Variants in PCDHGA9 observed in about 807,000 individuals in gnomAD.
PCDHGA9 encodes the protein protocadherin gamma-A9.
In PCDHGA9, 37 loss-of-function variants were observed where a neutral mutation model predicts 62.5. That is an observed-to-expected ratio of 0.59 (90% confidence interval 0.46 to 0.78). PCDHGA9 has a LOEUF of 0.78. Ranked by LOEUF, PCDHGA9 falls within the 30% of genes least tolerant of loss-of-function variation. The probability of loss-of-function intolerance (pLI) is 0.00; values close to 1 mark genes in which losing one functional copy is unlikely to be tolerated. For synonymous variants in PCDHGA9, 459 were observed against 484.6 expected (o/e 0.95, Z 0.69); for missense variants, 1,138 against 1,166.2 (o/e 0.98, Z 0.35).
At position 141,402,816 on chromosome 5, in the gene PCDHGA9, C is replaced by A. The variant is rs1009078444; in HGVS notation, c.-137C>A. 4 of 1,261,760 alleles carry A rather than the reference C, an allele frequency of 3.2e-6. No individual in the cohort carries two copies. Among genetic ancestry groups the A allele is most frequent in the South Asian group, 3.4e-5 (2 of 58,176 alleles). The allele number at this position is 1,261,760 out of a possible 1,614,324, so 78.2% of individuals were successfully genotyped here. A position where few individuals can be genotyped will look rare whatever the true frequency, so the allele number is the denominator to read the frequency against. ...CACAAAACCCGGCAGATACCACAAA[C>A]CTGCTCCCAGGCTGCAGCAAAACTC... On this transcript the variant is annotated 5_prime_UTR_variant, in exon 1 of 4. Transcript: ENST00000573521.
Position 141,477,864 on chromosome 5 carries a change from G to A in PCDHGA9, c.2425-16943G>A, listed in dbSNP as rs775055164. On this transcript the variant is annotated intron_variant, in intron 1 of 3. Transcript: ENST00000573521. The surrounding 1 kb of genome is among the most constrained non-coding windows in gnomAD (Gnocchi z 4.9). Reference sequence around the variant, plus strand: ...AGCTCGGTGGAGATGCTGCCTCGAGGTACCTCAGCTGGCCACCTAGTGTCA... The same window carrying A: ...AGCTCGGTGGAGATGCTGCCTCGAGATACCTCAGCTGGCCACCTAGTGTCA... 1.2e-6 allele frequency: 2 copies of A among 1,613,122 alleles called. No homozygotes were observed. The highest frequency in any genetic ancestry group is 4.5e-5 in the East Asian group (2 of 44,822).
intron 1 of PCDHGA9, among the ~76,000 whole-genome samples, chr5:141,446,022 T>C (rs2098484874): frequency 1.3e-5 from 2 of 152,198 alleles, no homozygotes; most frequent in Admixed American, 1.3e-4. Flanking sequence ...TATGGCAATA[T>C]TCCTGGTAAG....
In PCDHGA9 at chr5:141,490,274, A is replaced by G. The variant is rs1285515971; in HGVS notation, c.2425-4533A>G. The G allele has an allele frequency of 6.2e-7, 1 of 1,614,228 alleles. No individual in the cohort carries two copies. Among genetic ancestry groups the G allele is most frequent in the Non-Finnish European group, 8.5e-7 (1 of 1,180,038 alleles). On this transcript the variant is annotated intron_variant, in intron 1 of 3. Transcript: ENST00000573521. This position sits in a 1 kb window ranked among gnomAD's most constrained non-coding sequence, Gnocchi z 5.4. ...CAAGTGGATGTGGGGGATGTCAATGACAATGCCCCAGAGGTGCTATTGGCC... is the reference window on the plus strand; with the variant it reads ...CAAGTGGATGTGGGGGATGTCAATGGCAATGCCCCAGAGGTGCTATTGGCC...
At position 141,469,305 on chromosome 5, in the gene PCDHGA9, G is replaced by A. The variant is rs990437808; in HGVS notation, c.2425-25502G>A. Among the ~76,000 whole-genome samples the A allele has an allele frequency of 3.9e-5, 6 of 152,192 alleles. No homozygotes were observed. The South Asian group carries it at 6.2e-4, about 16-fold the overall frequency. On this transcript the variant is annotated intron_variant, in intron 1 of 3. Transcript: ENST00000573521. ...AAATAAAACAAAATAGACTGGGCACGATGGCTCACGCCTGTAATCCCACCA... is the reference window on the plus strand; with the variant it reads ...AAATAAAACAAAATAGACTGGGCACAATGGCTCACGCCTGTAATCCCACCA...
chr5:141,436,287 T>A (rs565612572), intron 1 of PCDHGA9, among the ~76,000 whole-genome samples: 1 of 152,262 alleles, frequency 6.6e-6, no homozygotes, highest in Admixed American at 6.5e-5. Context: ...TAGGAACAAA[T>A]CATTGAGAGT....
intron 1 of PCDHGA9, chr5:141,427,884 G>T (rs1346875505): frequency 5.1e-6 from 8 of 1,564,634 alleles, no homozygotes; most frequent in African/African-American, 2.7e-5. Flanking sequence ...GCAGGCCCAC[G>T]ACCAGGGCTC....
Position 141,490,800 on chromosome 5 carries a change from TACCTTTG to T in PCDHGA9, c.2425-4004_2425-3998del, listed in dbSNP as rs763340907. Reference sequence around the variant, plus strand: ...AGGATGGACGGATCTTTGCCCAGCGTACCTTTGACTATGAATTGCTGCAGATGCTGCA... The same window carrying T: ...AGGATGGACGGATCTTTGCCCAGCGTACTATGAATTGCTGCAGATGCTGCA... On this transcript the variant is annotated intron_variant, in intron 1 of 3. Transcript: ENST00000573521. The surrounding 1 kb of genome is among the most constrained non-coding windows in gnomAD (Gnocchi z 5.4). 2.5e-6 allele frequency: 4 copies of T among 1,613,968 alleles called. No homozygotes were observed. The highest frequency in any genetic ancestry group is 1.7e-6 in the Non-Finnish European group (2 of 1,179,894).
At chr5:141,425,214 A>G (rs999893857) in intron 1 of PCDHGA9, among the ~76,000 whole-genome samples, 2 of 152,178 alleles carry the variant, frequency 1.3e-5, no homozygotes, top group Non-Finnish European at 2.9e-5. Context: ...AAGGCATTGT[A>G]CTTTGACTGG....
At chr5:141,478,936 G>A in intron 1 of PCDHGA9, 1 of 633,220 alleles carries the variant, frequency 1.6e-6, no homozygotes, top group African/African-American at 1.9e-5. Context: ...GCAGCTTCTA[G>A]GAATACAAAA....
chr5:141,449,688 T>G (rs951233495), intron 1 of PCDHGA9, among the ~76,000 whole-genome samples: 2 of 151,772 alleles, frequency 1.3e-5, no homozygotes, highest in African/African-American at 4.8e-5. Context: ...TATGTTTGTG[T>G]GTATGTACAC....
rs187713374 is a variant in PCDHGA9, at chr5:141,430,744, C to G, written c.2424+25368C>G. 2.5e-4 allele frequency: 380 copies of G among 1,498,404 alleles called. 1 individual carries two copies. In the African/African-American group the frequency reaches 4.6e-3, roughly 18 times the overall value. The allele number at this position is 1,498,404 out of a possible 1,614,324, so 92.8% of individuals were successfully genotyped here. A position where few individuals can be genotyped will look rare whatever the true frequency, so the allele number is the denominator to read the frequency against. ...GTTAAGGGCAGAATTGAAAATAATTCTGGAGGAAGATAAGAATGATTCCTG... is the reference window on the plus strand; with the variant it reads ...GTTAAGGGCAGAATTGAAAATAATTGTGGAGGAAGATAAGAATGATTCCTG... On this transcript the variant is annotated intron_variant, in intron 1 of 3. Coordinates refer to ENST00000573521, the MANE Select transcript of PCDHGA9 (RefSeq NM_018921.3).
chr5:141,433,042 G>C (rs752612411), intron 1 of PCDHGA9: 6 of 1,614,142 alleles, frequency 3.7e-6, no homozygotes, highest in Non-Finnish European at 5.1e-6. Flanking sequence ...CCCTCACCAC[G>C]GACTCGCGGA....
In PCDHGA9 at chr5:141,491,908, G is replaced by T; in HGVS notation, c.2425-2899G>T. ...GGGGCTCCGAGCACCGGGGGTGGTG[G>T]CGACTGTGGGCGAGGGGAGGTGGGA... On this transcript the variant is annotated intron_variant, in intron 1 of 3. Transcript: ENST00000573521. The surrounding 1 kb of genome is among the most constrained non-coding windows in gnomAD (Gnocchi z 6.9). 7.1e-7 allele frequency: 1 copy of T among 1,408,288 alleles called. No homozygotes were observed. Among genetic ancestry groups the T allele is most frequent in the Non-Finnish European group, 9.4e-7 (1 of 1,060,836 alleles). The allele number at this position is 1,408,288 out of a possible 1,614,324, so 87.2% of individuals were successfully genotyped here. A position where few individuals can be genotyped will look rare whatever the true frequency, so the allele number is the denominator to read the frequency against.
In PCDHGA9 at chr5:141,476,235, A is replaced by G; in HGVS notation, c.2425-18572A>G. ...GTCATTCACTATGAGATCCCGGAGG[A>G]AAGAGAGAAGGGTTTCGCTGTGGGC... is the stretch of plus-strand genomic sequence containing the variant. On this transcript the variant is annotated intron_variant, in intron 1 of 3. Coordinates refer to ENST00000573521, the MANE Select transcript of PCDHGA9 (RefSeq NM_018921.3). The surrounding 1 kb of genome is among the most constrained non-coding windows in gnomAD (Gnocchi z 7.6). 2 of 1,613,844 alleles carry G rather than the reference A, an allele frequency of 1.2e-6. No homozygotes were observed. Among genetic ancestry groups the G allele is most frequent in the Admixed American group, 1.7e-5 (1 of 59,990 alleles).
chr5:141,472,068 G>C (rs1050927364), intron 1 of PCDHGA9, among the ~76,000 whole-genome samples: 7 of 151,974 alleles, frequency 4.6e-5, no homozygotes, highest in Non-Finnish European at 8.8e-5. Context: ...CATGTCTGTG[G>C]TTATATCAAT....
chr5:141,478,164 C>T, intron 1 of PCDHGA9: 1 of 1,614,010 alleles, frequency 6.2e-7, no homozygotes, highest in Non-Finnish European at 8.5e-7. Context: ...GGCTCTGCCC[C>T]CCGGGAGCAG....
In PCDHGA9 at chr5:141,492,000, A is replaced by G; in HGVS notation, c.2425-2807A>G. On this transcript the variant is annotated intron_variant, in intron 1 of 3. Transcript: ENST00000573521. The surrounding 1 kb of genome is among the most constrained non-coding windows in gnomAD (Gnocchi z 6.9). Reference sequence around the variant, plus strand: ...TCGAGCTTCCGGTGAATTTCGGGCGATTTCCGCGGGTGTCGGGGGTCCCGG... The same window carrying G: ...TCGAGCTTCCGGTGAATTTCGGGCGGTTTCCGCGGGTGTCGGGGGTCCCGG... 1 of 659,856 alleles carries G rather than the reference A, an allele frequency of 1.5e-6. No homozygotes were observed. The highest frequency in any genetic ancestry group is 3.1e-5 in the South Asian group (1 of 32,438). 40.9% of individuals were successfully genotyped at this position (659,856 alleles called of 1,614,324 possible).
chr5:141,431,527 C>T lies in PCDHGA9; in HGVS notation c.2424+26151C>T. The T allele has an allele frequency of 1.2e-6, 2 of 1,614,086 alleles. No homozygotes were observed. The highest frequency in any genetic ancestry group is 2.2e-5 in the East Asian group (1 of 44,888). ...GCGCGAGCGTTCCGGAGAATCTGGC[C>T]TTGGGCACGCAGCTGCTTGTAGTCA... On this transcript the variant is annotated intron_variant, in intron 1 of 3. Coordinates refer to ENST00000573521, the MANE Select transcript of PCDHGA9 (RefSeq NM_018921.3). This position sits in a 1 kb window ranked among gnomAD's most constrained non-coding sequence, Gnocchi z 4.8.
At chr5:141,461,893 G>A (rs2099025951) in intron 1 of PCDHGA9, among the ~76,000 whole-genome samples, 1 of 151,772 alleles carries the variant, frequency 6.6e-6, no homozygotes, top group African/African-American at 2.4e-5. Context: ...GCACGATCTC[G>A]GCTCACTGCA....
Sources: gnomAD v4.1 joint callset for allele counts (sites outside exome capture counted in the v4.1 genomes callset) on GRCh38, gnomAD v4.1.1 for gene constraint, Gnocchi (gnomAD v3.1) non-coding constraint, MANE v1.5 for transcripts, NCBI Gene and HGNC (gene_info 2026-07-23, HGNC 2026-07-21) for gene names.